Variants in SMOC2 observed in about 807,000 individuals in gnomAD.
SMOC2 encodes the protein SPARC related modular calcium binding 2.
SMOC2 carries 39 observed loss-of-function variants against 61.4 expected under a neutral mutation model. The observed-to-expected ratio is 0.64, with a 90% CI of 0.49 to 0.83. The LOEUF (loss-of-function observed/expected upper bound fraction) is 0.83. SMOC2 is among the 40% of genes least tolerant of loss of function. SMOC2 has a pLI of 0.00. For missense variants in SMOC2, 556 were observed against 592.9 expected, an observed-to-expected ratio of 0.94 and a Z score of 0.65; for synonymous variants, 247 against 239.9, an observed-to-expected ratio of 1.03 and a Z score of -0.27.
At chr6:168,500,490 A>G (rs933628085) in intron 1 of SMOC2, among the ~76,000 whole-genome samples, 3 of 151,864 alleles carry the variant, frequency 2.0e-5, no homozygotes, top group Non-Finnish European at 4.4e-5. Flanking sequence ...TCCCTCACGG[A>G]GGTGTTCTAG....
chr6:168,566,122 A>G (rs1055041890), intron 7 of SMOC2, among the ~76,000 whole-genome samples: 30 of 152,208 alleles, frequency 2.0e-4, no homozygotes. Flanking sequence ...TTACGAAGCT[A>G]TGGCAATGCG....
chr6:168,648,294 C>T (rs1787097981), intron 9 of SMOC2, among the ~76,000 whole-genome samples: 1 of 152,242 alleles, frequency 6.6e-6, no homozygotes, highest in South Asian at 2.1e-4. Context: ...TCCTGTGGGT[C>T]CCAGCCTCAC....
intron 9 of SMOC2, among the ~76,000 whole-genome samples, chr6:168,636,531 A>G (rs1786725049): frequency 6.6e-6 from 1 of 152,264 alleles, no homozygotes. Flanking sequence ...ATATTTAAAC[A>G]TGTACCAGAC....
At chr6:168,507,065 C>G (rs1782888333) in intron 1 of SMOC2, among the ~76,000 whole-genome samples, 1 of 152,174 alleles carries the variant, frequency 6.6e-6, no homozygotes, top group African/African-American at 2.4e-5. Flanking sequence ...AGTTCCGCAC[C>G]AGTACATTAT....
At chr6:168,607,937 C>T (rs1211053330) in intron 8 of SMOC2, among the ~76,000 whole-genome samples, 4 of 152,050 alleles carry the variant, frequency 2.6e-5, no homozygotes, top group Non-Finnish European at 5.9e-5. Flanking sequence ...TGATTGAAGT[C>T]ACAGTGTGCT....
chr6:168,566,193 C>T (rs77984234), intron 7 of SMOC2, among the ~76,000 whole-genome samples: 1 of 152,062 alleles, frequency 6.6e-6, no homozygotes, highest in Non-Finnish European at 1.5e-5. Context: ...TATTATTTAT[C>T]CTAGAATAAA....
At chr6:168,454,784 G>A (rs1463783454) in intron 1 of SMOC2, among the ~76,000 whole-genome samples, 2 of 152,190 alleles carry the variant, frequency 1.3e-5, no homozygotes, top group African/African-American at 2.4e-5. Context: ...TCCATGGGAC[G>A]CATCCTGAAG....
At chr6:168,600,406 T>C (rs1562373833) in intron 8 of SMOC2, among the ~76,000 whole-genome samples, 2 of 60,324 alleles carry the variant, frequency 3.3e-5, no homozygotes, top group Non-Finnish European at 2.8e-5. Context: ...AAACTCTGCC[T>C]CAAAAAAAAA....
At position 168,544,174 on chromosome 6, in the gene SMOC2, C is replaced by T. The variant is rs1427590308; in HGVS notation, c.511+502C>T. The stretch of plus-strand genomic sequence containing the variant: ...ATGTCGCAGCCTGCAGGTCCTGTTT[C>T]GGGGTCTGCGGGGTCTGTCACATGC... On this transcript the variant is annotated intron_variant, in intron 5 of 12. Coordinates refer to ENST00000356284, the MANE Select transcript of SMOC2 (RefSeq NM_001166412.2). The surrounding 1 kb of genome is among the most constrained non-coding windows in gnomAD (Gnocchi z 4.1). Among the ~76,000 whole-genome samples, 18 of 152,152 alleles carry T rather than the reference C, an allele frequency of 1.2e-4. No individual in the cohort carries two copies. The highest frequency in any genetic ancestry group is 1.1e-3 in the Admixed American group (17 of 15,276).
At chr6:168,664,292 T>G in intron 12 of SMOC2, 181 bp downstream of exon 12, 1 of 654,184 alleles carries the variant, frequency 1.5e-6, no homozygotes, top group Non-Finnish European at 2.7e-6. Flanking sequence ...CTTGCCGAAT[T>G]CTATCCGAAA....
At chr6:168,629,356 T>G (rs1350736618) in intron 9 of SMOC2, among the ~76,000 whole-genome samples, 4 of 152,178 alleles carry the variant, frequency 2.6e-5, no homozygotes, top group African/African-American at 7.2e-5. Context: ...AGAAACCCCA[T>G]TCATCGACCT....
Position 168,544,184 on chromosome 6 carries a change from G to A in SMOC2, c.511+512G>A, listed in dbSNP as rs957985632. On this transcript the variant is annotated intron_variant, in intron 5 of 12. Coordinates refer to ENST00000356284, the MANE Select transcript of SMOC2 (RefSeq NM_001166412.2). This position sits in a 1 kb window ranked among gnomAD's most constrained non-coding sequence, Gnocchi z 4.1. Reference sequence around the variant, plus strand: ...CTGCAGGTCCTGTTTCGGGGTCTGCGGGGTCTGTCACATGCCCACCATGAC... The same window carrying A: ...CTGCAGGTCCTGTTTCGGGGTCTGCAGGGTCTGTCACATGCCCACCATGAC... 2.6e-5 allele frequency among the ~76,000 whole-genome samples: 4 copies of A among 152,050 alleles called. No homozygotes were observed. Among genetic ancestry groups the A allele is most frequent in the African/African-American group, 7.2e-5 (3 of 41,416 alleles).
chr6:168,539,471 G>C (rs954458764), intron 4 of SMOC2, among the ~76,000 whole-genome samples: 3 of 152,152 alleles, frequency 2.0e-5, no homozygotes, highest in Non-Finnish European at 4.4e-5. Context: ...AAGTGGGAAG[G>C]GTCCTGAGAT....
intron 9 of SMOC2, among the ~76,000 whole-genome samples, chr6:168,625,076 T>C (rs1402795016): frequency 1.3e-5 from 2 of 152,162 alleles, no homozygotes; most frequent in Non-Finnish European, 2.9e-5. Flanking sequence ...CCCTGGACAC[T>C]GTGAAGCGCC....
chr6:168,604,188 G>A (rs565592764), intron 8 of SMOC2, among the ~76,000 whole-genome samples: 247 of 152,310 alleles, frequency 1.6e-3, no homozygotes, highest in Non-Finnish European at 3.0e-3. Context: ...TCATCCAGAT[G>A]CCACAGTGCT....
Position 168,576,207 on chromosome 6 carries a change from C to T in SMOC2, c.638-22611C>T, listed in dbSNP as rs191713717. ...CTCATTCAAACAGGTAAATACATAA[C>T]ACACAACCCTTATTCTCAAATAGCT... is the stretch of plus-strand genomic sequence containing the variant. On this transcript the variant is annotated intron_variant, in intron 7 of 12. Coordinates refer to ENST00000356284, the MANE Select transcript of SMOC2 (RefSeq NM_001166412.2). Among the ~76,000 whole-genome samples, 27 of 152,264 alleles carry T rather than the reference C, an allele frequency of 1.8e-4. 2 individuals carry two copies. In the East Asian group the frequency reaches 3.9e-3, roughly 22 times the overall value.
intron 1 of SMOC2, among the ~76,000 whole-genome samples, chr6:168,450,862 C>G (rs1369958034): frequency 1.3e-5 from 2 of 152,236 alleles, no homozygotes; most frequent in Non-Finnish European, 2.9e-5. Flanking sequence ...ATTTAAGATT[C>G]TGCTAAACCA....
chr6:168,494,400 C>A (rs759037412), intron 1 of SMOC2, among the ~76,000 whole-genome samples: 1 of 152,148 alleles, frequency 6.6e-6, no homozygotes, highest in Admixed American at 6.5e-5. Context: ...AATACTTTGC[C>A]TCTCTTCTTC....
In SMOC2 at chr6:168,547,222, G is replaced by T. The variant is rs371569484; in HGVS notation, c.562+53G>T. Reference sequence around the variant, plus strand: ...TGGGTTGGGGAGGAGTGCGAGGGACGGTATGGAGCTGGGAAGTGGAGCGAG... The same window carrying T: ...TGGGTTGGGGAGGAGTGCGAGGGACTGTATGGAGCTGGGAAGTGGAGCGAG... On this transcript the variant is annotated intron_variant, in intron 6 of 12. Transcript: ENST00000356284. 116 of 1,514,510 alleles carry T rather than the reference G, an allele frequency of 7.7e-5. 2 individuals are homozygous for T. The South Asian group carries it at 1.1e-3, about 15-fold the overall frequency. 93.8% of individuals were successfully genotyped at this position (1,514,510 alleles called of 1,614,324 possible).
Sources: allele counts gnomAD v4.1 joint callset (sites outside exome capture counted in the v4.1 genomes callset), GRCh38; gene constraint gnomAD v4.1.1; non-coding constraint Gnocchi (gnomAD v3.1); transcripts MANE v1.5; gene names NCBI Gene and HGNC (gene_info 2026-07-23, HGNC 2026-07-21).